The following MED28 variants were observed in gnomAD, a reference collection of about 807,000 sequenced individuals.
MED28 encodes the protein mediator of RNA polymerase II transcription subunit 28.
A neutral mutation model predicts 21.3 loss-of-function variants in MED28; 26 were observed. The observed-to-expected ratio is 1.22, with a 90% CI of 0.89 to 1.69. The LOEUF is 1.69. Among genes scored for constraint, MED28 ranks in the 40% most tolerant of loss-of-function variants. The probability of loss-of-function intolerance (pLI) is 0.00; values close to 1 mark genes in which losing one functional copy is unlikely to be tolerated. For synonymous variants in MED28, 110 were observed against 87.6 expected, an observed-to-expected ratio of 1.26 and a Z score of -1.43; for missense variants, 257 against 215.4, an observed-to-expected ratio of 1.19 and a Z score of -1.21.
chr4:17,619,515 C>G (rs1419908346), intron 1 of MED28, among the ~76,000 whole-genome samples: 1 of 152,072 alleles, frequency 6.6e-6, no homozygotes, highest in African/African-American at 2.4e-5. Flanking sequence ...AAGGGTAGAC[C>G]GGCTGCTGTC....
intron 1 of MED28, among the ~76,000 whole-genome samples, chr4:17,619,659 T>C (rs1309880691): frequency 1.3e-5 from 2 of 152,106 alleles, no homozygotes; most frequent in African/African-American, 4.8e-5. Flanking sequence ...AAGGGGCATG[T>C]AGTAGGACAG....
In MED28 at chr4:17,631,052, T is replaced by C. The variant is rs1238526060; in HGVS notation, c.*7254T>C. 1.3e-5 allele frequency: 2 copies of C among 152,180 alleles called. No homozygotes were observed. The highest frequency in any genetic ancestry group is 2.9e-5 in the Non-Finnish European group (2 of 68,042). The allele number at this position is 152,180 out of a possible 1,614,324, so 9.4% of individuals were successfully genotyped here. On this transcript the variant is annotated 3_prime_UTR_variant, in exon 4 of 4. Coordinates refer to ENST00000237380, the MANE Select transcript of MED28 (RefSeq NM_025205.5). Reference sequence around the variant, plus strand: ...ATTGAGTCTTGTCAAATCACATTGCTCTGTCAGAAGGTAAGACAAATCAGT... The same window carrying C: ...ATTGAGTCTTGTCAAATCACATTGCCCTGTCAGAAGGTAAGACAAATCAGT...
chr4:17,621,693 CAA>C lies in MED28; in HGVS notation c.335_336del (p.Lys112ArgfsTer9). ...CTGTCCAGAAACCAGAGCAAGTTATCAAAGAGGTATGAACTCAGTTTTCTCCT... is the reference window on the plus strand; with the variant it reads ...CTGTCCAGAAACCAGAGCAAGTTATCAGAGGTATGAACTCAGTTTTCTCCT... ...LSVQKPEQVI[K>X]EDVSELRNEL... On this transcript the variant is annotated frameshift_variant, in exon 3 of 4. Transcript: ENST00000237380. LOFTEE classifies it high-confidence loss of function. 8 of 1,605,126 alleles carry C rather than the reference CAA, an allele frequency of 5.0e-6. No homozygotes were observed. The highest frequency in any genetic ancestry group is 1.3e-5 in the African/African-American group (1 of 74,676).
intron 1 of MED28, among the ~76,000 whole-genome samples, chr4:17,617,800 G>C (rs1180089397): frequency 3.9e-5 from 6 of 151,946 alleles, no homozygotes; most frequent in African/African-American, 1.5e-4. Context: ...CCAGCTACTT[G>C]GGAGGCTGAG....
At chr4:17,620,162 C>A (rs1195305001) in intron 2 of MED28, 195 bp downstream of exon 2, 2 of 582,904 alleles carry the variant, frequency 3.4e-6, no homozygotes. Flanking sequence ...CATAACGAAT[C>A]ATTTATAATG....
Position 17,631,526 on chromosome 4 carries a change from A to G in MED28, c.*7728A>G, listed in dbSNP as rs764031114. 6.6e-6 allele frequency: 1 copy of G among 152,256 alleles called. No individual in the cohort carries two copies. Among genetic ancestry groups the G allele is most frequent in the Non-Finnish European group, 1.5e-5 (1 of 68,054 alleles). The allele number at this position is 152,256 out of a possible 1,614,324, so 9.4% of individuals were successfully genotyped here. ...GACCTTCACAAGTGATCATGTTGGC[A>G]CTATGGTCATTACACTGAGACCTAT... On this transcript the variant is annotated 3_prime_UTR_variant, in exon 4 of 4. Transcript: ENST00000237380.
chr4:17,616,619 T>C (rs1234263525), intron 1 of MED28, among the ~76,000 whole-genome samples: 1 of 152,236 alleles, frequency 6.6e-6, no homozygotes, highest in Non-Finnish European at 1.5e-5. Context: ...GTTTTCTCTT[T>C]GGGCTTCCAG....
In MED28 at chr4:17,625,789, G is replaced by A. The variant is rs953339770; in HGVS notation, c.*1991G>A. On this transcript the variant is annotated 3_prime_UTR_variant, in exon 4 of 4. Coordinates refer to ENST00000237380, the MANE Select transcript of MED28 (RefSeq NM_025205.5). ...ATGCCCTCTGCCAAGCACTGCTCTG[G>A]TACTGGGGAGTGGAGTATTATGTCT... 4 of 379,924 alleles carry A rather than the reference G, an allele frequency of 1.1e-5. No homozygotes were observed. Among genetic ancestry groups the A allele is most frequent in the Admixed American group, 7.5e-5 (2 of 26,678 alleles). 23.5% of individuals were successfully genotyped at this position (379,924 alleles called of 1,614,324 possible).
Position 17,621,598 on chromosome 4 carries a change from T to G in MED28, c.238T>G (p.Cys80Gly), listed in dbSNP as rs993747424. ...CCTTTTTTTTTAAGGTGTTGATCAGTGTATCCAGAAGTTTCTGGATATTGC... is the reference window on the plus strand; with the variant it reads ...CCTTTTTTTTTAAGGTGTTGATCAGGGTATCCAGAAGTTTCTGGATATTGC... ...QEEIRTGVDQ[C>G]IQKFLDIARQ... is the part of the protein sequence containing the mutation. Residue 80 changes from cysteine to glycine, a missense_variant, in exon 3 of 4, where the codon TGT becomes GGT. Physicochemically the swap from Cys to Gly is radical, Grantham distance 159 (BLOSUM62 -3). Coordinates refer to ENST00000237380, the MANE Select transcript of MED28 (RefSeq NM_025205.5). 1 of 1,594,266 alleles carries G rather than the reference T, an allele frequency of 6.3e-7. No individual in the cohort carries two copies. Among genetic ancestry groups the G allele is most frequent in the Non-Finnish European group, 8.5e-7 (1 of 1,171,916 alleles).
rs1312178059 is a variant in MED28, at chr4:17,630,958, T to C, written c.*7160T>C. 4 of 152,250 alleles carry C rather than the reference T, an allele frequency of 2.6e-5. No individual in the cohort carries two copies. The highest frequency in any genetic ancestry group is 1.3e-4 in the Admixed American group (2 of 15,284). The allele number at this position is 152,250 out of a possible 1,614,324, so 9.4% of individuals were successfully genotyped here. ...GATTTGACAATGCATAGAATTAACA[T>C]TGGTTTGTGGGCCACCTTCTGGGCC... is the stretch of plus-strand genomic sequence containing the variant. On this transcript the variant is annotated 3_prime_UTR_variant, in exon 4 of 4. Transcript: ENST00000237380.
Position 17,632,557 on chromosome 4 carries a change from C to CAGAATGGTT in MED28, c.*8760_*8761insGAATGGTTA. On this transcript the variant is annotated 3_prime_UTR_variant, in exon 4 of 4. Coordinates refer to ENST00000237380, the MANE Select transcript of MED28 (RefSeq NM_025205.5). ...TTAGAAAGAAAAGTACTTGGTGAAC[C>CAGAATGGTT]ATTCCTGGTGCGGAGAGCCCTGTTT... The CAGAATGGTT allele has an allele frequency of 6.4e-7, 1 of 1,551,324 alleles. No individual in the cohort carries two copies. The highest frequency in any genetic ancestry group is 8.7e-7 in the Non-Finnish European group (1 of 1,146,756).
At chr4:17,621,527 G>T in intron 2 of MED28, 60 bp from the exon 3 acceptor site, 1 of 1,084,372 alleles carries the variant, frequency 9.2e-7, no homozygotes, top group Non-Finnish European at 1.3e-6. Flanking sequence ...TCATTTATGA[G>T]GGAGATAAAT....
Position 17,625,009 on chromosome 4 carries a change from G to A in MED28, c.*1211G>A. 6.6e-6 allele frequency: 1 copy of A among 152,044 alleles called. No homozygotes were observed. Among genetic ancestry groups the A allele is most frequent in the Non-Finnish European group, 1.5e-5 (1 of 68,080 alleles). 9.4% of individuals were successfully genotyped at this position (152,044 alleles called of 1,614,324 possible). A position where few individuals can be genotyped will look rare whatever the true frequency, so the allele number is the denominator to read the frequency against. On this transcript the variant is annotated 3_prime_UTR_variant, in exon 4 of 4. Coordinates refer to ENST00000237380, the MANE Select transcript of MED28 (RefSeq NM_025205.5). ...ATTGGCAGTACTCCTGTGGCTTTGT[G>A]CCTTGACTCATTTTGTTGTCTTCAG... is the stretch of plus-strand genomic sequence containing the variant.
rs567233283 is a variant in MED28 at position 17,632,830 on chromosome 4, G to T, written c.*9032G>T. On this transcript the variant is annotated 3_prime_UTR_variant, in exon 4 of 4. Coordinates refer to ENST00000237380, the MANE Select transcript of MED28 (RefSeq NM_025205.5). ...CCTAATCCTCATTTGGAAAACAGAAGGTTCACCATTGTTTGGTTCTCCATT... is the reference window on the plus strand; with the variant it reads ...CCTAATCCTCATTTGGAAAACAGAATGTTCACCATTGTTTGGTTCTCCATT... 9.5e-4 allele frequency: 433 copies of T among 454,268 alleles called. 7 individuals carry two copies. In the South Asian group the frequency reaches 0.011, roughly 12 times the overall value. 28.1% of individuals were successfully genotyped at this position (454,268 alleles called of 1,614,324 possible).
In MED28 at chr4:17,633,653, T is replaced by C; in HGVS notation, c.*9855T>C. On this transcript the variant is annotated 3_prime_UTR_variant, in exon 4 of 4. Coordinates refer to ENST00000237380, the MANE Select transcript of MED28 (RefSeq NM_025205.5). The stretch of plus-strand genomic sequence containing the variant: ...ACTTCCCCTCTTATCTACAGGGAAA[T>C]AGAATAAGGGCCCCTGTCCCCAACA... The C allele has an allele frequency of 1.4e-6, 2 of 1,437,008 alleles. No homozygotes were observed. The highest frequency in any genetic ancestry group is 1.8e-6 in the Non-Finnish European group (2 of 1,088,294). The allele number at this position is 1,437,008 out of a possible 1,614,324, so 89.0% of individuals were successfully genotyped here.
At position 17,632,599 on chromosome 4, in the gene MED28, G is replaced by A; in HGVS notation, c.*8801G>A. 1 of 1,551,036 alleles carries A rather than the reference G, an allele frequency of 6.4e-7. No individual in the cohort carries two copies. The highest frequency in any genetic ancestry group is 8.7e-7 in the Non-Finnish European group (1 of 1,146,696). On this transcript the variant is annotated 3_prime_UTR_variant, in exon 4 of 4. Transcript: ENST00000237380. ...GCCCTGTTTCTGCTGGACTTCTTTG[G>A]CTTGGGCCGTTTCACCATCTGGGGT...
At chr4:17,623,451 G>C (rs1477150711) in intron 3 of MED28, 150 bp from the exon 4 acceptor site, 2 of 719,072 alleles carry the variant, frequency 2.8e-6, no homozygotes, top group Non-Finnish European at 4.7e-6. Flanking sequence ...TGTCATCTGG[G>C]TTAATCAAAT....
rs1415129592 is a variant in MED28 at position 17,633,332 on chromosome 4, A to C, written c.*9534A>C. 1 of 178,644 alleles carries C rather than the reference A, an allele frequency of 5.6e-6. No individual in the cohort carries two copies. The highest frequency in any genetic ancestry group is 2.4e-5 in the African/African-American group (1 of 42,488). 11.1% of individuals were successfully genotyped at this position (178,644 alleles called of 1,614,324 possible). A position where few individuals can be genotyped will look rare whatever the true frequency, so the allele number is the denominator to read the frequency against. ...TTTTGTGCCAAGTCCTGTGCTAAGC[A>C]CATCCTATGGATTAATTCCTTTAGT... is the stretch of plus-strand genomic sequence containing the variant. On this transcript the variant is annotated 3_prime_UTR_variant, in exon 4 of 4. Coordinates refer to ENST00000237380, the MANE Select transcript of MED28 (RefSeq NM_025205.5).
At chr4:17,615,741 C>T (rs930633570) in intron 1 of MED28, among the ~76,000 whole-genome samples, 8 of 151,800 alleles carry the variant, frequency 5.3e-5, no homozygotes. Flanking sequence ...ACCTGGGATG[C>T]GGAGGTTGCA....
Sources: gnomAD v4.1 joint callset for allele counts (sites outside exome capture counted in the v4.1 genomes callset) on GRCh38, gnomAD v4.1.1 for gene constraint, MANE v1.5 for transcripts, NCBI Gene and HGNC (gene_info 2026-07-23, HGNC 2026-07-21) for gene names.